FRMD4A: variants seen among roughly 807,000 people sequenced by gnomAD.
The protein encoded by FRMD4A is FERM domain containing 4A, also known as FERM domain-containing protein 4A.
A neutral mutation model predicts 129.1 loss-of-function variants in FRMD4A; 29 were observed. The ratio of observed to expected loss-of-function variants is 0.22; its 90% CI spans 0.17 to 0.31. The LOEUF is 0.31. Ranked by LOEUF, FRMD4A falls within the 10% of genes least tolerant of loss-of-function variation. The pLI, the probability that FRMD4A is intolerant of heterozygous loss-of-function variation, is 1.00. For missense variants in FRMD4A, 1,272 were observed against 1,375.8 expected (o/e 0.92, Z 1.19); for synonymous variants, 634 against 571.6 (o/e 1.11, Z -1.56).
intron 2 of FRMD4A, among the ~76,000 whole-genome samples, chr10:14,071,425 G>A (rs1835312861): frequency 6.6e-6 from 1 of 152,152 alleles, no homozygotes. Context: ...CCATGTTATA[G>A]AGAAGCATGA....
At chr10:13,995,611 G>A (rs2095619709) in intron 2 of FRMD4A, among the ~76,000 whole-genome samples, 1 of 152,104 alleles carries the variant, frequency 6.6e-6, no homozygotes, top group Non-Finnish European at 1.5e-5. Flanking sequence ...ATCTGCAGAT[G>A]GACGCTATGG....
At chr10:13,795,082 T>C (rs1015195187) in intron 5 of FRMD4A, among the ~76,000 whole-genome samples, 1 of 152,216 alleles carries the variant, frequency 6.6e-6, no homozygotes, top group Non-Finnish European at 1.5e-5. Flanking sequence ...TCTTGGCTAA[T>C]GTTGGTGAAC....
chr10:13,827,224 G>T (rs1243659298), intron 3 of FRMD4A, among the ~76,000 whole-genome samples: 2 of 152,176 alleles, frequency 1.3e-5, no homozygotes, highest in Non-Finnish European at 1.5e-5. Flanking sequence ...CTTTTTCCAA[G>T]AAGTACACAT....
chr10:14,046,829 G>A (rs1834010231), intron 2 of FRMD4A, among the ~76,000 whole-genome samples: 1 of 152,178 alleles, frequency 6.6e-6, no homozygotes. Context: ...GAAAATCTAA[G>A]TTAATCCACA....
chr10:13,670,581 C>G lies in FRMD4A; in HGVS notation c.1252-53G>C, dbSNP rs1211224146. The G allele has an allele frequency of 3.8e-6, 6 of 1,596,526 alleles. No individual in the cohort carries two copies. The East Asian group carries it at 1.1e-4, about 30-fold the overall frequency. On this transcript the variant is annotated intron_variant, in intron 16 of 24. Coordinates refer to ENST00000357447, the MANE Select transcript of FRMD4A (RefSeq NM_018027.5). ...GAGCACAAATCAGAGTGGGGCGTGT[C>G]TGCTTCCTAGAACACACACACACGC...
chr10:14,010,533 C>T (rs773303368), intron 2 of FRMD4A, among the ~76,000 whole-genome samples: 4 of 151,840 alleles, frequency 2.6e-5, no homozygotes, highest in Admixed American at 1.3e-4. Flanking sequence ...CCAGTCCCCG[C>T]GGAGTAGGTG....
At chr10:14,233,855 A>T (rs975733249) in intron 2 of FRMD4A, among the ~76,000 whole-genome samples, 6 of 152,232 alleles carry the variant, frequency 3.9e-5, no homozygotes, top group Admixed American at 3.3e-4. Flanking sequence ...TCTGCTTCAG[A>T]TTTTAATTCA....
At chr10:13,958,977 G>A (rs2095428617) in intron 2 of FRMD4A, among the ~76,000 whole-genome samples, 1 of 152,166 alleles carries the variant, frequency 6.6e-6, no homozygotes, top group African/African-American at 2.4e-5. Flanking sequence ...GGAAGAGAAG[G>A]GATTACATTG....
At chr10:13,694,256 G>C (rs969663508) in intron 14 of FRMD4A, among the ~76,000 whole-genome samples, 1 of 152,226 alleles carries the variant, frequency 6.6e-6, no homozygotes, top group African/African-American at 2.4e-5. Flanking sequence ...CATCAATTGA[G>C]GATGTTCTAA....
chr10:13,900,764 GC>G (rs2094810506), intron 2 of FRMD4A, among the ~76,000 whole-genome samples: 1 of 152,084 alleles, frequency 6.6e-6, no homozygotes, highest in African/African-American at 2.4e-5. Flanking sequence ...AGGCGTGTTG[GC>G]AGGTGCCTGT....
In FRMD4A at chr10:13,970,078, T is replaced by C. The variant is rs565846172; in HGVS notation, c.46-111166A>G. On this transcript the variant is annotated intron_variant, in intron 2 of 24. Coordinates refer to ENST00000357447, the MANE Select transcript of FRMD4A (RefSeq NM_018027.5). ...AATCTCCCAGCTGGGGGATTTTTTT[T>C]CCCCCAGGATTCTTTCAGATTCACA... Among the ~76,000 whole-genome samples the C allele has an allele frequency of 2.9e-4, 44 of 152,256 alleles. No homozygotes were observed. In the South Asian group the frequency reaches 5.6e-3, roughly 19 times the overall value.
chr10:13,737,984 C>G, intron 11 of FRMD4A, 54 bp from the exon 12 acceptor site: 3 of 981,216 alleles, frequency 3.1e-6, no homozygotes, highest in Admixed American at 1.7e-5. Context: ...AGTAAACACA[C>G]GCAAAGTGGA....
chr10:14,185,188 A>G (rs1842047621), intron 2 of FRMD4A, among the ~76,000 whole-genome samples: 1 of 152,322 alleles, frequency 6.6e-6, no homozygotes, highest in East Asian at 1.9e-4. Flanking sequence ...TGTTATGTGT[A>G]TAATGTGGTG....
At chr10:14,317,598 G>C (rs1375246110) in intron 2 of FRMD4A, among the ~76,000 whole-genome samples, 1 of 151,736 alleles carries the variant, frequency 6.6e-6, no homozygotes, top group East Asian at 1.9e-4. Flanking sequence ...CATATCCTCA[G>C]CACATACCAC....
intron 2 of FRMD4A, among the ~76,000 whole-genome samples, chr10:14,101,952 A>G (rs575776204): frequency 6.6e-6 from 1 of 152,326 alleles, no homozygotes; most frequent in African/African-American, 2.4e-5. Context: ...TCAGTTATTT[A>G]TAGAACTTAA....
intron 2 of FRMD4A, among the ~76,000 whole-genome samples, chr10:14,148,993 T>A (rs1443002842): frequency 6.6e-6 from 1 of 152,122 alleles, no homozygotes; most frequent in African/African-American, 2.4e-5. Flanking sequence ...AATATGCACA[T>A]CACTGAAAAC....
chr10:14,247,390 A>G (rs1844279762), intron 2 of FRMD4A, among the ~76,000 whole-genome samples: 1 of 152,224 alleles, frequency 6.6e-6, no homozygotes, highest in South Asian at 2.1e-4. Flanking sequence ...ACAATGGCAA[A>G]TTGAAAATGC....
intron 14 of FRMD4A, among the ~76,000 whole-genome samples, chr10:13,695,388 G>A (rs1449533195): frequency 7.2e-5 from 11 of 152,144 alleles, no homozygotes; most frequent in African/African-American, 1.4e-4. Flanking sequence ...TGATCCGCCC[G>A]CTGCAGCCTC....
chr10:13,927,294 G>A (rs1225055527), intron 2 of FRMD4A, among the ~76,000 whole-genome samples: 2 of 151,976 alleles, frequency 1.3e-5, no homozygotes, highest in African/African-American at 4.8e-5. Flanking sequence ...ATGAAGCCCA[G>A]TGTCATCATT....
Sources: gnomAD v4.1 joint callset for allele counts (sites outside exome capture counted in the v4.1 genomes callset) on GRCh38, gnomAD v4.1.1 for gene constraint, MANE v1.5 for transcripts, NCBI Gene and HGNC (gene_info 2026-07-23, HGNC 2026-07-21) for gene names.